The following RGS22 variants were observed in gnomAD, a reference collection of about 807,000 sequenced individuals.
RGS22 encodes the protein regulator of G protein signaling 22.
In RGS22, 148 loss-of-function variants were observed where a neutral mutation model predicts 172.9. The ratio of observed to expected loss-of-function variants is 0.86; its 90% CI spans 0.75 to 0.98. RGS22 has a LOEUF of 0.98. RGS22 is among the 50% of genes least tolerant of loss of function. RGS22 has a pLI of 0.00. For missense variants in RGS22, 1,347 were observed against 1,440.8 expected, an observed-to-expected ratio of 0.93 and a Z score of 1.05; for synonymous variants, 458 against 480.2, an observed-to-expected ratio of 0.95 and a Z score of 0.60.
chr8:100,101,215 A>G (rs922697467), intron 2 of RGS22, among the ~76,000 whole-genome samples: 5 of 152,150 alleles, frequency 3.3e-5, no homozygotes, highest in Non-Finnish European at 4.4e-5. Context: ...AGTCATTCTC[A>G]CTTTAAACTT....
intron 10 of RGS22, among the ~76,000 whole-genome samples, chr8:100,051,445 TTTATATTATATTATATATAAA>T (rs1821287369): frequency 1.0e-5 from 1 of 95,286 alleles, no homozygotes; most frequent in South Asian, 3.2e-4. Context: ...TATATATTTA[TTTATATTATATTATATATAAA>T]TATATATTAT....
chr8:100,088,502 TAA>T (rs1812324503), intron 3 of RGS22, among the ~76,000 whole-genome samples: 1 of 152,034 alleles, frequency 6.6e-6, no homozygotes, highest in Non-Finnish European at 1.5e-5. Flanking sequence ...CACTTGTCCA[TAA>T]AGAGTTGACA....
At chr8:100,056,242 TC>T (rs745313627) in intron 9 of RGS22, among the ~76,000 whole-genome samples, 50 of 152,140 alleles carry the variant, frequency 3.3e-4, no homozygotes, top group African/African-American at 9.2e-4. Flanking sequence ...ATTTAGGGTA[TC>T]CGGGGGAAAA....
At chr8:100,101,679 TATATACAAGG>T (rs1813503075) in intron 2 of RGS22, among the ~76,000 whole-genome samples, 1 of 151,924 alleles carries the variant, frequency 6.6e-6, no homozygotes, top group African/African-American at 2.4e-5. Context: ...AAATTAAAAA[TATATACAAGG>T]TATGTGTCCC....
chr8:99,987,379 T>G (rs555972630), intron 21 of RGS22, 79 bp downstream of exon 21: 19 of 1,114,400 alleles, frequency 1.7e-5, no homozygotes, highest in Non-Finnish European at 2.3e-5. Flanking sequence ...ATCTTGTGCA[T>G]AAAGTTAGTT....
chr8:100,083,267 A>G (rs893819980), intron 3 of RGS22, among the ~76,000 whole-genome samples: 11 of 152,172 alleles, frequency 7.2e-5, no homozygotes, highest in African/African-American at 2.4e-4. Context: ...CTGCTATCAC[A>G]TCGCGACCAG....
At chr8:100,097,886 T>C (rs1318171251) in intron 2 of RGS22, among the ~76,000 whole-genome samples, 3 of 152,200 alleles carry the variant, frequency 2.0e-5, no homozygotes, top group Admixed American at 2.0e-4. Flanking sequence ...AAGGGATCCA[T>C]TGTTCCCCCA....
rs534456322 is a variant in RGS22 at position 99,975,114 on chromosome 8, C to G, written c.3519+2803G>C. Among the ~76,000 whole-genome samples the G allele has an allele frequency of 1.3e-4, 20 of 151,748 alleles. No homozygotes were observed. The South Asian group carries it at 4.0e-3, about 30-fold the overall frequency. On this transcript the variant is annotated intron_variant, in intron 23 of 27. Coordinates refer to ENST00000360863, the MANE Select transcript of RGS22 (RefSeq NM_015668.5). ...TGAGCCAAGATCACGCCATGGCAGT[C>G]TAGCCTGGGCGACAGAGTGAGACTC...
intron 14 of RGS22, among the ~76,000 whole-genome samples, chr8:100,029,036 C>T (rs750949898): frequency 1.1e-4 from 16 of 152,220 alleles, no homozygotes; most frequent in Non-Finnish European, 1.6e-4. Context: ...CATATGGAGA[C>T]AGCCATATGA....
chr8:100,059,633 T>C (rs1267739622), intron 9 of RGS22, among the ~76,000 whole-genome samples: 2 of 152,184 alleles, frequency 1.3e-5, no homozygotes, highest in African/African-American at 2.4e-5. Context: ...AGCACTCTGA[T>C]ATATAAAGGA....
intron 2 of RGS22, among the ~76,000 whole-genome samples, chr8:100,104,217 C>T (rs1486651596): frequency 2.0e-5 from 3 of 152,156 alleles, no homozygotes; most frequent in Non-Finnish European, 4.4e-5. Flanking sequence ...ACTCAGATGG[C>T]TGAGACAGGA....
At chr8:99,975,841 C>T (rs529814328) in intron 23 of RGS22, among the ~76,000 whole-genome samples, 45 of 152,262 alleles carry the variant, frequency 3.0e-4, no homozygotes, top group African/African-American at 9.9e-4. Context: ...AGCTACCTCA[C>T]CCAGCTGATT....
At chr8:100,089,386 G>C in intron 3 of RGS22, among the ~76,000 whole-genome samples, 1 of 152,024 alleles carries the variant, frequency 6.6e-6, no homozygotes, top group East Asian at 1.9e-4. Context: ...ATAAATGCTG[G>C]CCGTGGTTCT....
intron 21 of RGS22, among the ~76,000 whole-genome samples, chr8:99,985,168 T>C (rs1402620264): frequency 1.3e-5 from 2 of 152,226 alleles, no homozygotes; most frequent in African/African-American, 4.8e-5. Flanking sequence ...GTTAATTAGC[T>C]GTGTGATGTC....
intron 3 of RGS22, among the ~76,000 whole-genome samples, chr8:100,083,903 G>A (rs1215993615): frequency 1.4e-5 from 2 of 148,122 alleles, no homozygotes; most frequent in Non-Finnish European, 3.0e-5. Context: ...TGGATGGAGT[G>A]CAGTGGCGCG....
chr8:99,976,081 T>G (rs1811896616), intron 23 of RGS22, among the ~76,000 whole-genome samples: 3 of 151,876 alleles, frequency 2.0e-5, no homozygotes, highest in Non-Finnish European at 4.4e-5. Context: ...TCCCAGCTAC[T>G]CAGGAGGCTG....
In RGS22 at chr8:100,106,030, G is replaced by C; in HGVS notation, c.-109C>G. The C allele has an allele frequency of 8.4e-7, 1 of 1,187,190 alleles. No homozygotes were observed. Among genetic ancestry groups the C allele is most frequent in the Non-Finnish European group, 1.0e-6 (1 of 960,036 alleles). The allele number at this position is 1,187,190 out of a possible 1,614,324, so 73.5% of individuals were successfully genotyped here. A position where few individuals can be genotyped will look rare whatever the true frequency, so the allele number is the denominator to read the frequency against. On this transcript the variant is annotated 5_prime_UTR_variant, in exon 1 of 28. Transcript: ENST00000360863. ...GACGCGGCGACGGCGCGCGGGCTCC[G>C]GAGCTACGCTGGCTAGCGTGGCCGG...
Position 100,105,806 on chromosome 8 carries a change from A to G in RGS22, c.25+91T>C, listed in dbSNP as rs75188878. On this transcript the variant is annotated intron_variant, in intron 1 of 27. Transcript: ENST00000360863. ...CATGTCTGGGAGCGGGGATACCGCT[A>G]GGAGGGCAGGAGGTAAAGTCCAGAG... is the stretch of plus-strand genomic sequence containing the variant. The G allele has an allele frequency of 3.2e-3, 3,686 of 1,135,948 alleles. 67 individuals are homozygous for G. The African/African-American group carries it at 0.047, about 14-fold the overall frequency. The allele number at this position is 1,135,948 out of a possible 1,614,324, so 70.4% of individuals were successfully genotyped here. A position where few individuals can be genotyped will look rare whatever the true frequency, so the allele number is the denominator to read the frequency against.
At chr8:100,087,973 GA>G (rs1812284264) in intron 3 of RGS22, among the ~76,000 whole-genome samples, 1 of 152,060 alleles carries the variant, frequency 6.6e-6, no homozygotes, top group Non-Finnish European at 1.5e-5. Context: ...TGCAAACACT[GA>G]ACTAAGCAGT....
Sources: gnomAD v4.1 joint callset for allele counts (sites outside exome capture counted in the v4.1 genomes callset) on GRCh38, gnomAD v4.1.1 for gene constraint, MANE v1.5 for transcripts, NCBI Gene and HGNC (gene_info 2026-07-23, HGNC 2026-07-21) for gene names.